CYREN: variants seen among roughly 807,000 people sequenced by gnomAD.
CYREN encodes cell cycle regulator of NHEJ.
A neutral mutation model predicts 9.7 loss-of-function variants in CYREN; 7 were observed. The ratio of observed to expected loss-of-function variants is 0.72; its 90% CI spans 0.41 to 1.36. CYREN has a LOEUF of 1.36. CYREN is among the 40% of genes most tolerant of loss of function. The pLI, the probability that CYREN is intolerant of heterozygous loss-of-function variation, is 0.01. For synonymous variants in CYREN, 76 were observed against 77.9 expected (o/e 0.98, Z 0.13); for missense variants, 215 against 198.1 (o/e 1.09, Z -0.51).
intron 2 of CYREN, chr7:135,100,018 G>A (rs1182909144): frequency 6.6e-6 from 1 of 151,014 alleles, no homozygotes; most frequent in Non-Finnish European, 1.5e-5. Context: ...CTCCCGAGTA[G>A]CTGGAACTAC....
At chr7:135,122,191 C>T (rs965289836) in intron 2 of CYREN, among the ~76,000 whole-genome samples, 2 of 152,226 alleles carry the variant, frequency 1.3e-5, no homozygotes, top group Non-Finnish European at 2.9e-5. Context: ...CTGTGCTTTT[C>T]CTCTGCTGGA....
chr7:135,148,521 G>A (rs1829597030), intron 2 of CYREN, among the ~76,000 whole-genome samples: 1 of 152,170 alleles, frequency 6.6e-6, no homozygotes, highest in South Asian at 2.1e-4. Flanking sequence ...GATGATGAAA[G>A]TAAGGCCAGT....
chr7:135,160,923 T>G (rs1448059280), downstream of CYREN, among the ~76,000 whole-genome samples: 1 of 152,062 alleles, frequency 6.6e-6, no homozygotes, highest in East Asian at 1.9e-4. Context: ...GAAAGTAGAG[T>G]AGGACTCTAG....
At chr7:135,101,497 T>TA (rs112646093) in intron 2 of CYREN, among the ~76,000 whole-genome samples, 22 of 148,722 alleles carry the variant, frequency 1.5e-4, no homozygotes, top group East Asian at 7.8e-4. Flanking sequence ...AATATAGCCT[T>TA]AAAAAAAAAA....
At chr7:135,172,146 C>T (rs1134045), upstream of CYREN, among the ~76,000 whole-genome samples, 1 of 152,190 alleles carries the variant, frequency 6.6e-6, no homozygotes. Flanking sequence ...TGATCACCCA[C>T]GGTGTGCCTG....
chr7:135,168,528 A>G, intron 2 of CYREN: 1 of 507,582 alleles, frequency 2.0e-6, no homozygotes. Context: ...ACTGGCTGAC[A>G]TGGAGAACCC....
intron 2 of CYREN, among the ~76,000 whole-genome samples, chr7:135,125,687 G>A (rs759675597): frequency 8.5e-5 from 13 of 152,128 alleles, no homozygotes; most frequent in South Asian, 2.1e-4. Flanking sequence ...ATCAAAAAAC[G>A]TATCCACCAT....
intron 2 of CYREN, chr7:135,135,408 C>G: frequency 1.9e-6 from 1 of 531,720 alleles, no homozygotes; most frequent in Non-Finnish European, 3.0e-6. Context: ...TTTAGATATC[C>G]CATCTTCTGT....
intron 2 of CYREN, among the ~76,000 whole-genome samples, chr7:135,130,967 G>T (rs1828671147): frequency 6.6e-6 from 1 of 152,130 alleles, no homozygotes; most frequent in African/African-American, 2.4e-5. Context: ...TGCAGCTTGA[G>T]AACATATTGT....
chr7:135,142,490 G>A lies in CYREN; in HGVS notation n.356+26259C>T, dbSNP rs370993972. The stretch of plus-strand genomic sequence containing the variant: ...ATACATCAGTTTTCTTCTGTATGAG[G>A]GGGTTGGTGCCTCTAATTCCTGTGT... On this transcript the variant is annotated intron_variant and non_coding_transcript_variant, in intron 2 of 2. Coordinates refer to the CYREN transcript ENST00000459937. Among the ~76,000 whole-genome samples the A allele has an allele frequency of 8.5e-4, 130 of 152,222 alleles. 1 individual carries two copies. Among genetic ancestry groups the A allele is most frequent in the African/African-American group, 3.1e-3 (128 of 41,548 alleles).
intron 1 of CYREN, chr7:135,170,442 C>G (rs906284953): frequency 2.2e-4 from 34 of 152,290 alleles, no homozygotes; most frequent in Non-Finnish European, 4.6e-4. Context: ...GCGGAAGGCG[C>G]GGGCGAAGCA....
At chr7:135,160,770 G>A (rs1829915080) in intron 2 of CYREN, among the ~76,000 whole-genome samples, 1 of 151,878 alleles carries the variant, frequency 6.6e-6, no homozygotes, top group African/African-American at 2.4e-5. Context: ...CCCCTACTGT[G>A]TATCAAAATA....
chr7:135,167,261 T>C (rs1830229975), intron 3 of CYREN: 1 of 1,073,812 alleles, frequency 9.3e-7, no homozygotes, highest in East Asian at 6.9e-5. Context: ...TAAAATGACA[T>C]AACGCATGCT....
chr7:135,163,899 G>A (rs1440861974), downstream of CYREN, among the ~76,000 whole-genome samples: 7 of 152,202 alleles, frequency 4.6e-5, no homozygotes, highest in Admixed American at 1.3e-4. Flanking sequence ...TGCCCAGCCC[G>A]AAGCACATAA....
At chr7:135,168,291 A>ACCACCCCCCCCCCCCCCCCCCC (rs1554392990) in intron 2 of CYREN, 1 of 6,352 alleles carries the variant, frequency 1.6e-4, no homozygotes, top group Non-Finnish European at 3.4e-4. Flanking sequence ...GAGACTCACC[A>ACCACCCCCCCCCCCCCCCCCCC]CCCCCCCCCC....
chr7:135,135,054 A>G (rs1448346397), intron 2 of CYREN: 2 of 1,551,136 alleles, frequency 1.3e-6, no homozygotes, highest in East Asian at 4.9e-5. Context: ...ATGAAGACAT[A>G]AAACCTCTCA....
chr7:135,115,777 G>A (rs1016010027), intron 2 of CYREN: 1 of 562,762 alleles, frequency 1.8e-6, no homozygotes, highest in Non-Finnish European at 3.1e-6. Context: ...AGAAAACACT[G>A]GATAAATGAA....
In CYREN at chr7:135,135,006, CAAG is replaced by C; in HGVS notation, n.356+33740_356+33742del. On this transcript the variant is annotated intron_variant and non_coding_transcript_variant, in intron 2 of 2. Coordinates refer to the CYREN transcript ENST00000459937. ...AAAGTTTATCACCTCTCAAAGGCCC[CAAG>C]AAGAATAAACATTCTCAAATCTGGG... 1.9e-6 allele frequency: 3 copies of C among 1,551,064 alleles called. No individual in the cohort carries two copies. The South Asian group carries it at 3.6e-5, about 18-fold the overall frequency.
At chr7:135,167,495 G>A (rs1181127859) in intron 3 of CYREN, 15 of 1,393,122 alleles carry the variant, frequency 1.1e-5, no homozygotes, top group South Asian at 4.8e-5. Context: ...ACACACACAC[G>A]CCCTCCCTAA....
Sources: gnomAD v4.1 joint callset for allele counts (sites outside exome capture counted in the v4.1 genomes callset) on GRCh38, gnomAD v4.1.1 for gene constraint, MANE v1.5 for transcripts, NCBI Gene and HGNC (gene_info 2026-07-23, HGNC 2026-07-21) for gene names.